CNKSR3: variants seen among roughly 807,000 people sequenced by gnomAD.
The protein encoded by CNKSR3 is CNKSR family member 3.
In CNKSR3, 36 loss-of-function variants were observed where a neutral mutation model predicts 67.7. The ratio of observed to expected loss-of-function variants is 0.53; its 90% CI spans 0.41 to 0.70. The LOEUF (loss-of-function observed/expected upper bound fraction) is 0.70. Among genes scored for constraint, CNKSR3 ranks in the 30% least tolerant of loss-of-function variants. The probability of loss-of-function intolerance (pLI) is 0.00; values close to 1 mark genes in which losing one functional copy is unlikely to be tolerated. For synonymous variants in CNKSR3, 281 were observed against 271.4 expected (o/e 1.04, Z -0.35); for missense variants, 630 against 695.2 (o/e 0.91, Z 1.05).
At chr6:154,425,292 A>T (rs1349905092) in intron 7 of CNKSR3, among the ~76,000 whole-genome samples, 1 of 152,192 alleles carries the variant, frequency 6.6e-6, no homozygotes, top group Non-Finnish European at 1.5e-5. Flanking sequence ...CTAGATGTGT[A>T]ATCTTAAAAA....
chr6:154,461,528 C>T (rs1786079482), intron 1 of CNKSR3, among the ~76,000 whole-genome samples: 3 of 152,218 alleles, frequency 2.0e-5, no homozygotes, highest in Admixed American at 6.5e-5. Context: ...GGATTCAGCT[C>T]TACCACTTCC....
At chr6:154,438,290 T>C (rs1222322885) in intron 4 of CNKSR3, among the ~76,000 whole-genome samples, 2 of 152,038 alleles carry the variant, frequency 1.3e-5, no homozygotes, top group Non-Finnish European at 2.9e-5. Context: ...CCTGCCAGAG[T>C]AAACACAACT....
chr6:154,509,915 A>G, intron 1 of CNKSR3, 148 bp downstream of exon 1: 1 of 840,034 alleles, frequency 1.2e-6, no homozygotes, highest in Non-Finnish European at 2.0e-6. Flanking sequence ...AGGAGCGCAC[A>G]GGCCACTCGG....
chr6:154,411,671 G>GTT, intron 10 of CNKSR3, among the ~76,000 whole-genome samples: 1 of 148,452 alleles, frequency 6.7e-6, no homozygotes, highest in East Asian at 2.0e-4. Flanking sequence ...TAAATGCAGG[G>GTT]TTTTTTTTAA....
At chr6:154,453,738 C>T (rs1785889051) in intron 1 of CNKSR3, among the ~76,000 whole-genome samples, 1 of 152,032 alleles carries the variant, frequency 6.6e-6, no homozygotes, top group Non-Finnish European at 1.5e-5. Context: ...TTACGCAGTC[C>T]CACAAAGGAG....
chr6:154,414,252 G>A (rs1384473169), intron 10 of CNKSR3, 47 bp downstream of exon 10: 1 of 1,523,026 alleles, frequency 6.6e-7, no homozygotes, highest in Admixed American at 2.2e-5. Context: ...ATTTACAAAT[G>A]ACACCAACAG....
intron 1 of CNKSR3, among the ~76,000 whole-genome samples, chr6:154,486,317 A>G (rs576123973): frequency 7.0e-6 from 1 of 143,152 alleles, no homozygotes; most frequent in Non-Finnish European, 1.5e-5. Context: ...TTTTTTTTAG[A>G]CGGAGTCTCA....
chr6:154,420,684 G>A (rs1168002355), intron 9 of CNKSR3, among the ~76,000 whole-genome samples: 4 of 66,090 alleles, frequency 6.1e-5, no homozygotes, highest in South Asian at 6.4e-4. Context: ...GCGAGACTCC[G>A]TCTCAAAAAA....
At chr6:154,466,549 G>C (rs1039346894) in intron 1 of CNKSR3, among the ~76,000 whole-genome samples, 2 of 152,128 alleles carry the variant, frequency 1.3e-5, no homozygotes, top group African/African-American at 4.8e-5. Flanking sequence ...TGTTGGGGAT[G>C]GGGGGATGTG....
intron 2 of CNKSR3, among the ~76,000 whole-genome samples, chr6:154,443,724 T>C (rs1002836751): frequency 2.6e-5 from 4 of 152,206 alleles, no homozygotes; most frequent in Non-Finnish European, 5.9e-5. Context: ...CTTGAAGATA[T>C]GGCTCCTGTT....
intron 1 of CNKSR3, among the ~76,000 whole-genome samples, chr6:154,461,878 T>G (rs1298314805): frequency 1.3e-5 from 2 of 152,148 alleles, no homozygotes. Context: ...ATTTGGAGGT[T>G]TGATGGCAGG....
At chr6:154,498,476 C>T (rs879780859) in intron 1 of CNKSR3, among the ~76,000 whole-genome samples, 9 of 152,184 alleles carry the variant, frequency 5.9e-5, no homozygotes, top group Non-Finnish European at 1.3e-4. Context: ...GGAAACTTCA[C>T]ATCCACAATC....
At chr6:154,408,357 T>C (rs949628669) in intron 12 of CNKSR3, among the ~76,000 whole-genome samples, 1 of 152,140 alleles carries the variant, frequency 6.6e-6, no homozygotes, top group Non-Finnish European at 1.5e-5. Flanking sequence ...TCTAAGTATA[T>C]AAATGTAAAT....
At chr6:154,451,212 C>G (rs1046659102) in intron 1 of CNKSR3, among the ~76,000 whole-genome samples, 4 of 152,138 alleles carry the variant, frequency 2.6e-5, no homozygotes, top group African/African-American at 9.7e-5. Flanking sequence ...ATGACTAAAA[C>G]GAGTAAGCCA....
At chr6:154,448,890 G>C (rs1019383531) in intron 2 of CNKSR3, among the ~76,000 whole-genome samples, 1 of 152,192 alleles carries the variant, frequency 6.6e-6, no homozygotes, top group South Asian at 2.1e-4. Flanking sequence ...TGATGTAATT[G>C]TATATACCCC....
Position 154,412,772 on chromosome 6 carries a change from TGATA to T in CNKSR3, c.1070+1523_1070+1526del, listed in dbSNP as rs1784935928. ...ATGAAAACCAACAAACAAAAAATTC[TGATA>T]GAAAGTAAAATGTCACTGTAATAAA... On this transcript the variant is annotated intron_variant, in intron 10 of 12. Transcript: ENST00000607772. 2.6e-5 allele frequency among the ~76,000 whole-genome samples: 4 copies of T among 152,286 alleles called. No homozygotes were observed. The South Asian group carries it at 8.3e-4, about 32-fold the overall frequency.
At chr6:154,470,186 T>TC (rs781171856) in intron 1 of CNKSR3, among the ~76,000 whole-genome samples, 51 of 103,598 alleles carry the variant, frequency 4.9e-4, no homozygotes, top group Non-Finnish European at 9.2e-4. Flanking sequence ...CTACTTTCTT[T>TC]CCTTTTTTTT....
rs1784572563 is a variant in CNKSR3 at position 154,388,422 on chromosome 6, G to A, written c.*17932C>T. 2 of 152,102 alleles carry A rather than the reference G, an allele frequency of 1.3e-5. No homozygotes were observed. Among genetic ancestry groups the A allele is most frequent in the African/African-American group, 2.4e-5 (1 of 41,410 alleles). 9.4% of individuals were successfully genotyped at this position (152,102 alleles called of 1,614,324 possible). ...TTTATTCATTTCTCCGCCGATGGAC[G>A]CTTAGATTGTTTGTGTATCTTGGAT... On this transcript the variant is annotated 3_prime_UTR_variant, in exon 13 of 13. Transcript: ENST00000607772.
intron 5 of CNKSR3, among the ~76,000 whole-genome samples, chr6:154,431,057 A>G (rs1265741022): frequency 3.3e-5 from 5 of 152,004 alleles, no homozygotes; most frequent in African/African-American, 1.2e-4. Flanking sequence ...CAAAAAGTAC[A>G]TTGAGTTCCC....
Sources: allele counts gnomAD v4.1 joint callset (sites outside exome capture counted in the v4.1 genomes callset), GRCh38; gene constraint gnomAD v4.1.1; transcripts MANE v1.5; gene names NCBI Gene and HGNC (gene_info 2026-07-23, HGNC 2026-07-21).